The following IL1R1 variants were observed in gnomAD, a reference collection of about 807,000 sequenced individuals.
IL1R1 encodes the protein interleukin-1 receptor type 1.
In IL1R1, 22 loss-of-function variants were observed where a neutral mutation model predicts 50.2. The observed-to-expected ratio is 0.44, with a 90% CI of 0.31 to 0.63. The LOEUF (loss-of-function observed/expected upper bound fraction) is 0.63. Among genes scored for constraint, IL1R1 ranks in the 20% least tolerant of loss-of-function variants. IL1R1 has a pLI of 0.07. For synonymous variants in IL1R1, 251 were observed against 236.7 expected, an observed-to-expected ratio of 1.06 and a Z score of -0.55; for missense variants, 509 against 676.2, an observed-to-expected ratio of 0.75 and a Z score of 2.74.
At chr2:102,155,630 T>G (rs1471252620) in intron 2 of IL1R1, among the ~76,000 whole-genome samples, 2 of 152,124 alleles carry the variant, frequency 1.3e-5, no homozygotes, top group Non-Finnish European at 2.9e-5. Context: ...GGGATTGACA[T>G]GGATCCCAAA....
At chr2:102,148,528 G>A (rs1207536471) in intron 1 of IL1R1, among the ~76,000 whole-genome samples, 1 of 152,210 alleles carries the variant, frequency 6.6e-6, no homozygotes, top group African/African-American at 2.4e-5. Flanking sequence ...GAAGCCTCAT[G>A]TTTTGTCTTA....
At chr2:102,099,299 A>T (rs981810532) in intron 1 of IL1R1, among the ~76,000 whole-genome samples, 37 of 152,190 alleles carry the variant, frequency 2.4e-4, no homozygotes, top group Admixed American at 1.1e-3. Flanking sequence ...GGCCTAGAAG[A>T]GATGGTAGAA....
intron 1 of IL1R1, among the ~76,000 whole-genome samples, chr2:102,143,582 G>A (rs1353043344): frequency 6.6e-6 from 1 of 152,218 alleles, no homozygotes; most frequent in Non-Finnish European, 1.5e-5. Context: ...ACAGTCTTGT[G>A]AGGAGGGTGC....
intron 9 of IL1R1, among the ~76,000 whole-genome samples, chr2:102,174,383 A>G (rs533285480): frequency 2.1e-4 from 32 of 152,288 alleles, no homozygotes; most frequent in Middle Eastern, 3.4e-3. Flanking sequence ...TAGAAACTTC[A>G]TAGAATGCAC....
chr2:102,080,791 A>G (rs1346766271), intron 1 of IL1R1, among the ~76,000 whole-genome samples: 1 of 152,240 alleles, frequency 6.6e-6, no homozygotes, highest in Non-Finnish European at 1.5e-5. Flanking sequence ...TAGCCAAAAC[A>G]TAGAAACAAC....
intron 1 of IL1R1, among the ~76,000 whole-genome samples, chr2:102,084,330 C>T (rs1404505439): frequency 1.3e-5 from 2 of 152,110 alleles, no homozygotes; most frequent in Non-Finnish European, 2.9e-5. Context: ...CTTTTATGGC[C>T]TGGTGGTCTG....
intron 3 of IL1R1, among the ~76,000 whole-genome samples, chr2:102,159,065 G>T (rs771314209): frequency 6.6e-6 from 1 of 152,244 alleles, no homozygotes; most frequent in East Asian, 1.9e-4. Flanking sequence ...GCAAACGCAA[G>T]GTGAAATTGC....
At chr2:102,165,429 G>A (rs1173422067) in intron 5 of IL1R1, 125 bp downstream of exon 5, 2 of 470,674 alleles carry the variant, frequency 4.2e-6, no homozygotes, top group Non-Finnish European at 7.3e-6. Context: ...GGTGAAACTT[G>A]ATAGGGAACC....
At chr2:102,092,085 A>G (rs1057401243) in intron 1 of IL1R1, among the ~76,000 whole-genome samples, 2 of 152,240 alleles carry the variant, frequency 1.3e-5, no homozygotes, top group African/African-American at 4.8e-5. Context: ...CCCAGAACTC[A>G]GGAAATCCCT....
intron 1 of IL1R1, among the ~76,000 whole-genome samples, chr2:102,108,952 AAT>A (rs1409492994): frequency 7.1e-5 from 2 of 28,048 alleles, no homozygotes; most frequent in African/African-American, 1.8e-4. Flanking sequence ...ACTGAATAAT[AAT>A]AATAATAATA....
chr2:102,145,639 G>A (rs1442900291), intron 1 of IL1R1, among the ~76,000 whole-genome samples: 1 of 152,196 alleles, frequency 6.6e-6, no homozygotes, highest in Admixed American at 6.5e-5. Flanking sequence ...AGATGAAGTG[G>A]AGTCTGAAAT....
At chr2:102,116,976 G>A (rs568686778) in intron 1 of IL1R1, among the ~76,000 whole-genome samples, 3 of 152,200 alleles carry the variant, frequency 2.0e-5, no homozygotes, top group Admixed American at 6.5e-5. Context: ...ATGATAAGTG[G>A]AGAAGGAAAA....
intron 11 of IL1R1, 24 bp from the exon 12 acceptor site, chr2:102,176,329 T>C: frequency 2.5e-6 from 4 of 1,602,156 alleles, no homozygotes; most frequent in Non-Finnish European, 3.4e-6. Context: ...TTTTACTTAC[T>C]ATATTGTGCT....
At chr2:102,071,253 T>G (rs1678704976) in intron 1 of IL1R1, among the ~76,000 whole-genome samples, 1 of 152,212 alleles carries the variant, frequency 6.6e-6, no homozygotes, top group African/African-American at 2.4e-5. Context: ...TCCCTTCTGA[T>G]TCTAATTTAT....
At chr2:102,141,022 AC>A (rs1359125891), upstream of IL1R1, among the ~76,000 whole-genome samples, 2 of 152,208 alleles carry the variant, frequency 1.3e-5, no homozygotes, top group African/African-American at 4.8e-5. Flanking sequence ...TTCACTTTCT[AC>A]TTGTAAACTG....
intron 2 of IL1R1, among the ~76,000 whole-genome samples, chr2:102,154,722 A>G (rs1684011891): frequency 6.6e-6 from 1 of 152,204 alleles, no homozygotes; most frequent in Admixed American, 6.5e-5. Context: ...ATGTCTGCAA[A>G]AAATGGAGAT....
Position 102,125,537 on chromosome 2 carries a change from G to C in IL1R1, c.-84+20665G>C, listed in dbSNP as rs561296659. On this transcript the variant is annotated intron_variant, in intron 1 of 10. Coordinates refer to the IL1R1 transcript ENST00000409329. ...GAAGTCACATGTAGCAGTCAGGATA[G>C]ATAGGCAAGATACAAGGAAGAAGTG... Among the ~76,000 whole-genome samples the C allele has an allele frequency of 6.6e-5, 10 of 152,300 alleles. No homozygotes were observed. In the South Asian group the frequency reaches 1.9e-3, roughly 28 times the overall value.
chr2:102,127,098 T>A (rs1681754793), intron 1 of IL1R1, among the ~76,000 whole-genome samples: 3 of 152,246 alleles, frequency 2.0e-5, no homozygotes, highest in Admixed American at 2.0e-4. Flanking sequence ...CCTTCTCTGC[T>A]TTGCCCAGTG....
At chr2:102,103,860 G>A (rs1183193893), upstream of IL1R1, among the ~76,000 whole-genome samples, 3 of 151,962 alleles carry the variant, frequency 2.0e-5, no homozygotes, top group East Asian at 3.9e-4. Context: ...CAGACATGGT[G>A]GCGGGCATCT....
Sources: allele counts gnomAD v4.1 joint callset (sites outside exome capture counted in the v4.1 genomes callset), GRCh38; gene constraint gnomAD v4.1.1; transcripts MANE v1.5; gene names NCBI Gene and HGNC (gene_info 2026-07-23, HGNC 2026-07-21).